Variants in EXT1 observed in about 807,000 individuals in gnomAD.
EXT1 encodes the protein exostosin-1.
EXT1 carries 20 observed loss-of-function variants against 82.5 expected under a neutral mutation model. The observed-to-expected ratio is 0.24, with a 90% CI of 0.17 to 0.35. The LOEUF is 0.35. Among genes scored for constraint, EXT1 ranks in the 10% least tolerant of loss-of-function variants. EXT1 has a pLI of 1.00. For missense variants in EXT1, 757 were observed against 936.5 expected (o/e 0.81, Z 2.50); for synonymous variants, 348 against 350.8 (o/e 0.99, Z 0.09).
intron 1 of EXT1, among the ~76,000 whole-genome samples, chr8:117,855,518 G>T (rs566144954): frequency 7.2e-5 from 11 of 152,120 alleles, no homozygotes; most frequent in Non-Finnish European, 1.3e-4. Flanking sequence ...AAATGTGTGT[G>T]TTCTGACTAT....
At chr8:117,809,785 C>CTA (rs145883459) in intron 8 of EXT1, among the ~76,000 whole-genome samples, 496 of 152,140 alleles carry the variant, frequency 3.3e-3, no homozygotes, top group African/African-American at 0.011. Context: ...TTGTGATTAC[C>CTA]TACACCTTTT....
chr8:118,082,873 A>G lies in EXT1; in HGVS notation c.962+27212T>C, dbSNP rs1022593390. ...TCACTCATTCTAAATTTCTTCTGAA[A>G]TTGAAAATAGAGAAGAAAGAATTAA... On this transcript the variant is annotated intron_variant, in intron 1 of 10. Coordinates refer to ENST00000378204, the MANE Select transcript of EXT1 (RefSeq NM_000127.3). Among the ~76,000 whole-genome samples the G allele has an allele frequency of 2.0e-5, 3 of 152,196 alleles. No individual in the cohort carries two copies. The East Asian group carries it at 5.8e-4, about 29-fold the overall frequency.
intron 1 of EXT1, among the ~76,000 whole-genome samples, chr8:117,899,097 T>C (rs1813396186): frequency 6.6e-6 from 1 of 152,226 alleles, no homozygotes; most frequent in South Asian, 2.1e-4. Context: ...TTTGAATACA[T>C]TTATTCTATA....
At chr8:117,855,668 CACTT>C (rs1266122148) in intron 1 of EXT1, among the ~76,000 whole-genome samples, 2 of 152,146 alleles carry the variant, frequency 1.3e-5, no homozygotes, top group Non-Finnish European at 2.9e-5. Flanking sequence ...ACACGTCTCT[CACTT>C]TATTTATTTA....
chr8:117,844,008 T>C (rs1563577467), intron 1 of EXT1, among the ~76,000 whole-genome samples: 1 of 152,116 alleles, frequency 6.6e-6, no homozygotes, highest in African/African-American at 2.4e-5. Context: ...TTCTCTCCCA[T>C]TCAAAACTTC....
intron 1 of EXT1, among the ~76,000 whole-genome samples, chr8:117,891,960 C>A (rs1482147616): frequency 6.6e-6 from 1 of 151,998 alleles, no homozygotes; most frequent in Non-Finnish European, 1.5e-5. Flanking sequence ...GCACAGGCTA[C>A]CACACCCGGC....
chr8:117,801,878 C>G (rs1158476827), intron 10 of EXT1, among the ~76,000 whole-genome samples: 2 of 152,218 alleles, frequency 1.3e-5, no homozygotes, highest in Non-Finnish European at 2.9e-5. Flanking sequence ...ATATATGCAA[C>G]TAGAAATACT....
chr8:117,810,951 G>A lies in EXT1; in HGVS notation c.1722+1921C>T, dbSNP rs578078592. ...ACGTCCTTCCATGATCATAGCACTT[G>A]TAGAGCAGCCTCTCCATCCTAGTGC... On this transcript the variant is annotated intron_variant, in intron 8 of 10. Coordinates refer to ENST00000378204, the MANE Select transcript of EXT1 (RefSeq NM_000127.3). Among the ~76,000 whole-genome samples the A allele has an allele frequency of 1.3e-4, 20 of 152,280 alleles. No homozygotes were observed. The South Asian group carries it at 4.2e-3, about 32-fold the overall frequency.
chr8:118,095,563 A>G (rs1406804855), intron 1 of EXT1, among the ~76,000 whole-genome samples: 1 of 152,228 alleles, frequency 6.6e-6, no homozygotes, highest in Middle Eastern at 3.2e-3. Context: ...TGTAGCATAT[A>G]AGAAATGGTG....
chr8:118,101,888 A>AGG (rs1380680043), intron 1 of EXT1, among the ~76,000 whole-genome samples: 1 of 152,080 alleles, frequency 6.6e-6, no homozygotes, highest in African/African-American at 2.4e-5. Flanking sequence ...TTTGAGAGAG[A>AGG]GACCCTAGTC....
intron 1 of EXT1, among the ~76,000 whole-genome samples, chr8:117,839,442 A>C (rs901038044): frequency 6.6e-6 from 1 of 152,230 alleles, no homozygotes; most frequent in Non-Finnish European, 1.5e-5. Flanking sequence ...TTCCATACCC[A>C]TATATGTGTG....
intron 1 of EXT1, among the ~76,000 whole-genome samples, chr8:118,050,000 G>C (rs933911757): frequency 6.6e-6 from 1 of 152,160 alleles, no homozygotes; most frequent in African/African-American, 2.4e-5. Context: ...ATTGCCTGGT[G>C]TGTCCTTCTT....
At chr8:117,997,565 GAT>G (rs2129802201) in intron 1 of EXT1, among the ~76,000 whole-genome samples, 1 of 152,110 alleles carries the variant, frequency 6.6e-6, no homozygotes, top group South Asian at 2.1e-4. Flanking sequence ...TACTAATCTT[GAT>G]ATATACCTAG....
intron 1 of EXT1, among the ~76,000 whole-genome samples, chr8:118,093,912 A>G (rs1307730559): frequency 6.6e-6 from 1 of 152,254 alleles, no homozygotes; most frequent in East Asian, 1.9e-4. Context: ...CTCAAGAAGA[A>G]GCCATCAGTT....
At chr8:117,811,098 C>A (rs185779590) in intron 8 of EXT1, among the ~76,000 whole-genome samples, 2 of 152,232 alleles carry the variant, frequency 1.3e-5, no homozygotes, top group Admixed American at 1.3e-4. Flanking sequence ...GGTCTTTTAA[C>A]CCCATCTACA....
intron 1 of EXT1, 37 bp from the exon 2 acceptor site, chr8:117,837,238 T>C: frequency 6.6e-7 from 1 of 1,516,860 alleles, no homozygotes; most frequent in Non-Finnish European, 9.2e-7. Context: ...AAATGAAGAC[T>C]CATTGCGAAT....
intron 1 of EXT1, among the ~76,000 whole-genome samples, chr8:117,853,906 T>C (rs1441067661): frequency 1.3e-5 from 2 of 152,260 alleles, no homozygotes; most frequent in East Asian, 3.8e-4. Context: ...TAGAAAATAC[T>C]GAAATGACTT....
chr8:117,860,146 CA>C (rs34399339), intron 1 of EXT1, among the ~76,000 whole-genome samples: 24,659 of 75,818 alleles, frequency 0.33, 1,448 homozygotes, highest in Admixed American at 0.37. Context: ...GATTCTATCT[CA>C]AAAAAAAAAA....
chr8:118,053,635 T>G (rs1816752240), intron 1 of EXT1, among the ~76,000 whole-genome samples: 1 of 152,204 alleles, frequency 6.6e-6, no homozygotes, highest in African/African-American at 2.4e-5. Context: ...GTAATGCTGT[T>G]TTCTTTAAGC....
Sources: gnomAD v4.1 joint callset for allele counts (sites outside exome capture counted in the v4.1 genomes callset) on GRCh38, gnomAD v4.1.1 for gene constraint, MANE v1.5 for transcripts, NCBI Gene and HGNC (gene_info 2026-07-23, HGNC 2026-07-21) for gene names.